LRRC7: variants seen among roughly 807,000 people sequenced by gnomAD.
LRRC7 encodes the protein leucine-rich repeat-containing protein 7.
A neutral mutation model predicts 175.7 loss-of-function variants in LRRC7; 23 were observed. That is an observed-to-expected ratio of 0.13 (90% CI 0.09 to 0.19). The LOEUF (loss-of-function observed/expected upper bound fraction) is 0.19. LRRC7 is among the 10% of genes least tolerant of loss of function. The pLI is 1.00. For missense variants in LRRC7, 1,354 were observed against 1,904.7 expected (o/e 0.71, Z 5.38); for synonymous variants, 685 against 680.9 (o/e 1.01, Z -0.09).
chr1:69,954,482 G>A (rs1650287949), intron 8 of LRRC7, among the ~76,000 whole-genome samples: 1 of 152,000 alleles, frequency 6.6e-6, no homozygotes, highest in Non-Finnish European at 1.5e-5. Flanking sequence ...CATGGCACAT[G>A]TAGAAACACA....
Position 70,101,170 on chromosome 1 carries a change from C to A in LRRC7, c.4546-6582C>A, listed in dbSNP as rs114070306. Among the ~76,000 whole-genome samples the A allele has an allele frequency of 8.5e-3, 1,293 of 152,226 alleles. 12 individuals are homozygous for A. Among genetic ancestry groups the A allele is most frequent in the African/African-American group, 0.029 (1,216 of 41,550 alleles). On this transcript the variant is annotated intron_variant, in intron 25 of 26. Transcript: ENST00000651989. ...AAAAGTTTCCCCCTAAAAATTGAATCTATGGCTCTGTTTGCTGTTTTCATG... is the reference window on the plus strand; with the variant it reads ...AAAAGTTTCCCCCTAAAAATTGAATATATGGCTCTGTTTGCTGTTTTCATG...
chr1:69,959,280 TG>T (rs1319341283), intron 8 of LRRC7, among the ~76,000 whole-genome samples: 1 of 152,096 alleles, frequency 6.6e-6, no homozygotes, highest in Admixed American at 6.6e-5. Context: ...TGCTAAGTGA[TG>T]TTTGCAAGAA....
intron 7 of LRRC7, among the ~76,000 whole-genome samples, chr1:69,861,862 C>T (rs569727698): frequency 2.1e-4 from 32 of 152,318 alleles, no homozygotes; most frequent in African/African-American, 7.7e-4. Context: ...CAAACAGAGA[C>T]AAGTGCCTGT....
intron 1 of LRRC7, among the ~76,000 whole-genome samples, chr1:69,576,297 A>T (rs866011743): frequency 6.6e-6 from 1 of 151,804 alleles, no homozygotes; most frequent in South Asian, 2.1e-4. Context: ...ATATCTGGTT[A>T]AACATCTGTT....
At chr1:69,685,423 G>C (rs1661016333) in intron 2 of LRRC7, among the ~76,000 whole-genome samples, 1 of 152,054 alleles carries the variant, frequency 6.6e-6, no homozygotes, top group Non-Finnish European at 1.5e-5. Context: ...TGGAATTTCT[G>C]AGAAGGAGAC....
At chr1:69,631,381 A>ATC (rs1291000735) in intron 1 of LRRC7, among the ~76,000 whole-genome samples, 1 of 151,980 alleles carries the variant, frequency 6.6e-6, no homozygotes, top group Non-Finnish European at 1.5e-5. Context: ...AACTCAAATC[A>ATC]TCTCATTGTT....
chr1:69,670,025 T>C (rs1304652053), intron 1 of LRRC7, among the ~76,000 whole-genome samples: 1 of 152,202 alleles, frequency 6.6e-6, no homozygotes, highest in African/African-American at 2.4e-5. Flanking sequence ...AAACAACTAT[T>C]TTGAATTATC....
intron 26 of LRRC7, among the ~76,000 whole-genome samples, chr1:70,113,287 C>G (rs1665641665): frequency 6.6e-6 from 1 of 152,108 alleles, no homozygotes; most frequent in Non-Finnish European, 1.5e-5. Context: ...CTCACTTATT[C>G]AACAGCCTCA....
At chr1:69,852,839 G>A (rs1160210119) in intron 7 of LRRC7, among the ~76,000 whole-genome samples, 1 of 152,140 alleles carries the variant, frequency 6.6e-6, no homozygotes, top group East Asian at 1.9e-4. Flanking sequence ...ATGAAAATGT[G>A]TTCTAAAGAA....
rs192074821 is a variant in LRRC7 at position 69,813,125 on chromosome 1, C to T, written c.422-12623C>T. ...AACCACCAATCCATTATATTGGCAT[C>T]TTCTCATGCACTTCTCCACAACATC... On this transcript the variant is annotated intron_variant, in intron 4 of 26. Coordinates refer to ENST00000651989, the MANE Select transcript of LRRC7 (RefSeq NM_001370785.2). Among the ~76,000 whole-genome samples the T allele has an allele frequency of 1.5e-4, 23 of 152,252 alleles. No individual in the cohort carries two copies. The East Asian group carries it at 4.1e-3, about 27-fold the overall frequency.
At chr1:70,115,664 G>C (rs1665803118) in intron 26 of LRRC7, among the ~76,000 whole-genome samples, 1 of 152,148 alleles carries the variant, frequency 6.6e-6, no homozygotes, top group Non-Finnish European at 1.5e-5. Flanking sequence ...ATGTAACCAA[G>C]TTCCTGCCTT....
intron 1 of LRRC7, among the ~76,000 whole-genome samples, chr1:69,575,498 G>A (rs1021893712): frequency 5.3e-5 from 8 of 152,074 alleles, no homozygotes; most frequent in African/African-American, 1.9e-4. Flanking sequence ...TGACTTGACT[G>A]TCTAGGCAGA....
At chr1:70,018,047 A>T (rs973944821) in intron 14 of LRRC7, among the ~76,000 whole-genome samples, 3 of 152,058 alleles carry the variant, frequency 2.0e-5, no homozygotes, top group African/African-American at 7.2e-5. Flanking sequence ...CACTCCTATT[A>T]ATGTCATTAA....
rs11473590 is a variant in LRRC7, at chr1:69,617,547, TAAA to T, written c.2+48929_2+48931del. Among the ~76,000 whole-genome samples, 19 of 62,006 alleles carry T rather than the reference TAAA, an allele frequency of 3.1e-4. 1 individual carries two copies. The highest frequency in any genetic ancestry group is 2.3e-3 in the Admixed American group (10 of 4,380). 40.7% of individuals were successfully genotyped at this position (62,006 alleles called of 152,430 possible). On this transcript the variant is annotated intron_variant, in intron 1 of 26. Coordinates refer to ENST00000651989, the MANE Select transcript of LRRC7 (RefSeq NM_001370785.2). Reference sequence around the variant, plus strand: ...GCTGAAGGTTGTTATATACTCACAGTAAAAAAAAAAAAAAAAAAAAAAAAATCA... The same window carrying T: ...GCTGAAGGTTGTTATATACTCACAGTAAAAAAAAAAAAAAAAAAAAAATCA...
At chr1:69,836,977 C>A (rs1681189843) in intron 6 of LRRC7, among the ~76,000 whole-genome samples, 1 of 151,604 alleles carries the variant, frequency 6.6e-6, no homozygotes, top group Non-Finnish European at 1.5e-5. Flanking sequence ...AATATTTCCC[C>A]AAACATTAAT....
In LRRC7 at chr1:69,995,698, C is replaced by T. The variant is rs532313097; in HGVS notation, c.1004+1065C>T. ...GATAGTTTACTCAGAATGATGATTT[C>T]CAATTTCATCCATCTCCCTACAAAG... On this transcript the variant is annotated intron_variant, in intron 11 of 26. Coordinates refer to ENST00000651989, the MANE Select transcript of LRRC7 (RefSeq NM_001370785.2). 8.5e-5 allele frequency among the ~76,000 whole-genome samples: 13 copies of T among 152,164 alleles called. No individual in the cohort carries two copies. The South Asian group carries it at 2.5e-3, about 29-fold the overall frequency.
At chr1:69,678,287 A>C (rs578060463) in intron 1 of LRRC7, 94 bp from the exon 2 acceptor site, 1 of 878,310 alleles carries the variant, frequency 1.1e-6, no homozygotes, top group South Asian at 1.6e-5. Flanking sequence ...TGTCTAGCAA[A>C]GTTCTGTGGG....
intron 4 of LRRC7, among the ~76,000 whole-genome samples, chr1:69,795,672 T>C (rs1479232309): frequency 6.6e-6 from 1 of 152,094 alleles, no homozygotes; most frequent in African/African-American, 2.4e-5. Flanking sequence ...GTGCTTAAAT[T>C]AGATGAGTGA....
intron 7 of LRRC7, among the ~76,000 whole-genome samples, chr1:69,927,072 A>T (rs1647100611): frequency 6.6e-6 from 1 of 152,180 alleles, no homozygotes; most frequent in African/African-American, 2.4e-5. Context: ...TATGAAGATT[A>T]GTTTGGCTGG....
Sources: gnomAD v4.1 joint callset for allele counts (sites outside exome capture counted in the v4.1 genomes callset) on GRCh38, gnomAD v4.1.1 for gene constraint, MANE v1.5 for transcripts, NCBI Gene and HGNC (gene_info 2026-07-23, HGNC 2026-07-21) for gene names.